Variants in GNL3 observed in about 807,000 individuals in gnomAD.
GNL3 encodes G protein nucleolar 3, also known as guanine nucleotide-binding protein-like 3.
GNL3 carries 77 observed loss-of-function variants against 70.6 expected under a neutral mutation model. The ratio of observed to expected loss-of-function variants is 1.09; its 90% CI spans 0.91 to 1.32. The LOEUF (loss-of-function observed/expected upper bound fraction) is 1.32, where lower values mean the gene tolerates loss of function less well. GNL3 is among the 40% of genes most tolerant of loss of function. The pLI is 0.00. For missense variants in GNL3, 634 were observed against 644.0 expected, an observed-to-expected ratio of 0.98 and a Z score of 0.17; for synonymous variants, 252 against 216.1, an observed-to-expected ratio of 1.17 and a Z score of -1.46.
chr3:52,686,820 A>G lies in GNL3; in HGVS notation c.65A>G (p.Gln22Arg). Residue 22 changes from glutamine (Q) to arginine (R), a missense_variant, in exon 2 of 15, where the codon CAA (glutamine) becomes CGA (arginine). Transcript: ENST00000418458. ...ACCTGCCATAAGCGGTATAAAATCC[A>G]AAAAAAGGTAAGTGTAGTGCTTGAG... is the stretch of plus-strand genomic sequence containing the variant. ...RMTCHKRYKI[Q>R]KKVREHHRKL... The G allele has an allele frequency of 6.2e-7, 1 of 1,603,514 alleles. No individual in the cohort carries two copies. The highest frequency in any genetic ancestry group is 1.1e-5 in the South Asian group (1 of 90,814).
chr3:52,693,795 TGAA>T lies in GNL3; in HGVS notation c.1493_1495del (p.Glu498del), dbSNP rs772174265. ...AAGACAGTGACCAGGAAACTGTTGA[TGAA>T]GAAGTTGATGTAAGTGTGTCCTCCA... On this transcript the variant is annotated inframe_deletion, in exon 13 of 15. Transcript: ENST00000418458. 10 of 1,613,296 alleles carry T rather than the reference TGAA, an allele frequency of 6.2e-6. No homozygotes were observed. In the Middle Eastern group the frequency reaches 6.6e-4, roughly 106 times the overall value.
chr3:52,689,032 T>C (rs2097324792), intron 5 of GNL3, 42 bp from the exon 6 acceptor site: 1 of 1,566,364 alleles, frequency 6.4e-7, no homozygotes, highest in South Asian at 1.1e-5. Flanking sequence ...TCTGATCATT[T>C]TCTCCTTGAT....
chr3:52,691,682 T>C (rs2097327437), intron 9 of GNL3, 53 bp downstream of exon 9: 2 of 1,030,546 alleles, frequency 1.9e-6, no homozygotes, highest in African/African-American at 1.6e-5. Flanking sequence ...TATTTTATTT[T>C]GGTTATCTCA....
chr3:52,689,941 C>T (rs139690212), intron 6 of GNL3, among the ~76,000 whole-genome samples: 1 of 152,120 alleles, frequency 6.6e-6, no homozygotes, highest in African/African-American at 2.4e-5. Flanking sequence ...AACAACACTT[C>T]GTCTCAAAAA....
chr3:52,691,723 G>A (rs1417173717), intron 9 of GNL3, 94 bp downstream of exon 9: 2 of 529,576 alleles, frequency 3.8e-6, no homozygotes, highest in South Asian at 4.8e-5. Context: ...TTTTTTTTTT[G>A]AGACAGTTTC....
chr3:52,687,754 TCCAA>T (rs1423474137), intron 4 of GNL3, 139 bp downstream of exon 4: 4 of 623,486 alleles, frequency 6.4e-6, no homozygotes, highest in Non-Finnish European at 1.2e-5. Context: ...CACCTCAGTC[TCCAA>T]GTAGCTGGGA....
intron 9 of GNL3, among the ~76,000 whole-genome samples, chr3:52,691,894 T>C (rs1008246386): frequency 5.9e-5 from 9 of 151,916 alleles, no homozygotes; most frequent in African/African-American, 2.2e-4. Flanking sequence ...TAGAGACGGG[T>C]TTCTCCATGT....
Position 52,693,487 on chromosome 3 carries a change from A to T in GNL3, c.1267A>T (p.Met423Leu). 6.2e-7 allele frequency: 1 copy of T among 1,614,180 alleles called. No homozygotes were observed. The highest frequency in any genetic ancestry group is 1.1e-5 in the South Asian group (1 of 91,076). ...TTTTAATGAGAGTATTGTGGTAGAC[A>T]TGAAAAGCGGCTTCAATCTGGAAGA... ...PYFNESIVVD[M>L]KSGFNLEELE... is the part of the protein sequence containing the mutation. The change falls in exon 12 of 15, where the codon ATG (methionine) becomes TTG (leucine). Residue 423 changes from methionine (M) to leucine (L), a missense_variant. Transcript: ENST00000418458.
chr3:52,686,828 G>C lies in GNL3; in HGVS notation c.72+1G>C, dbSNP rs759941039. On this transcript the variant is annotated splice_donor_variant, in intron 2 of 14. Coordinates refer to ENST00000418458, the MANE Select transcript of GNL3 (RefSeq NM_014366.5). LOFTEE classifies it high-confidence loss of function. ...TAAGCGGTATAAAATCCAAAAAAAG[G>C]TAAGTGTAGTGCTTGAGAGAGCTGT... The C allele has an allele frequency of 1.2e-6, 2 of 1,603,318 alleles. No individual in the cohort carries two copies. The highest frequency in any genetic ancestry group is 1.3e-5 in the African/African-American group (1 of 74,702).
intron 9 of GNL3, among the ~76,000 whole-genome samples, chr3:52,691,989 C>T (rs982898344): frequency 2.0e-5 from 3 of 152,108 alleles, no homozygotes; most frequent in African/African-American, 4.8e-5. Context: ...GCCAAGCCAC[C>T]GCGCCCGGCC....
Position 52,693,638 on chromosome 3 carries a change from A to G in GNL3, c.1331A>G (p.Lys444Arg), listed in dbSNP as rs770499987. 5.0e-6 allele frequency: 8 copies of G among 1,613,892 alleles called. No individual in the cohort carries two copies. Among genetic ancestry groups the G allele is most frequent in the Admixed American group, 3.3e-5 (2 of 59,984 alleles). ...GGCTTGCTTTCTTTCCCAGCCATCA[A>G]GGGCCCTCATTTGGCCAATAGCATC... The part of the protein sequence containing the change: ...KNNAQSIRAI[K>R]GPHLANSILF... The change falls in exon 13 of 15, where the codon AAG becomes AGG. Residue 444 changes from lysine (K) to arginine (R), a missense_variant. Coordinates refer to ENST00000418458, the MANE Select transcript of GNL3 (RefSeq NM_014366.5).
At position 52,689,222 on chromosome 3, in the gene GNL3, A is replaced by AC; in HGVS notation, c.541+19dup. 6.2e-7 allele frequency: 1 copy of AC among 1,609,342 alleles called. No individual in the cohort carries two copies. The highest frequency in any genetic ancestry group is 1.1e-5 in the South Asian group (1 of 90,958). ...AATAAATCAGGTGAGTAAAGAGGGT[A>AC]CCCTTTGTCTTCTGTGTACATGGGT... On this transcript the variant is annotated intron_variant, in intron 6 of 14. Transcript: ENST00000418458.
At chr3:52,689,264 G>A (rs746605007) in intron 6 of GNL3, 58 bp downstream of exon 6, 1 of 1,458,882 alleles carries the variant, frequency 6.9e-7, no homozygotes, top group Non-Finnish European at 9.6e-7. Flanking sequence ...CGAGGAAACA[G>A]TCTGATAGTC....
chr3:52,687,712 A>C (rs2097322916), intron 4 of GNL3, 97 bp downstream of exon 4: 1 of 698,458 alleles, frequency 1.4e-6, no homozygotes. Flanking sequence ...AACTCACTGC[A>C]ACCTGGACCA....
intron 13 of GNL3, 74 bp downstream of exon 13, chr3:52,693,881 G>A (rs1030043179): frequency 1.1e-4 from 152 of 1,403,282 alleles, no homozygotes; most frequent in Non-Finnish European, 1.4e-4. Flanking sequence ...AGGAACTGAA[G>A]ATAGGAAATA....
intron 11 of GNL3, 29 bp downstream of exon 11, chr3:52,693,358 G>C (rs779187662): frequency 8.7e-6 from 14 of 1,613,522 alleles, no homozygotes; most frequent in Non-Finnish European, 1.2e-5. Flanking sequence ...TGGCATTTTG[G>C]TGACCACTAG....
intron 4 of GNL3, chr3:52,687,844 C>T: frequency 1.7e-6 from 1 of 592,034 alleles, no homozygotes; most frequent in South Asian, 2.1e-5. Flanking sequence ...CAAGGCTGGT[C>T]TCAAGTGATC....
Position 52,688,437 on chromosome 3 carries a change from G to A in GNL3, c.408+245G>A, listed in dbSNP as rs116251535. ...TCACCAACAAATCATTTCGTGACTC[G>A]ACTCTAGCTTATGCTGTTTAATGCC... On this transcript the variant is annotated intron_variant, in intron 5 of 14. Coordinates refer to ENST00000418458, the MANE Select transcript of GNL3 (RefSeq NM_014366.5). Among the ~76,000 whole-genome samples, 798 of 152,120 alleles carry A rather than the reference G, an allele frequency of 5.2e-3. 9 individuals are homozygous for A. The highest frequency in any genetic ancestry group is 0.018 in the African/African-American group (739 of 41,496).
intron 5 of GNL3, 21 bp from the exon 6 acceptor site, chr3:52,689,053 T>C (rs1553910958): frequency 1.2e-6 from 2 of 1,605,702 alleles, no homozygotes; most frequent in Non-Finnish European, 1.7e-6. Flanking sequence ...AATGTAGTTC[T>C]GGTCATTTTT....
Sources: gnomAD v4.1 joint callset for allele counts (sites outside exome capture counted in the v4.1 genomes callset) on GRCh38, gnomAD v4.1.1 for gene constraint, MANE v1.5 for transcripts, NCBI Gene and HGNC (gene_info 2026-07-23, HGNC 2026-07-21) for gene names.